ROBO1: variants seen among roughly 807,000 people sequenced by gnomAD.
ROBO1 encodes the protein roundabout guidance receptor 1.
ROBO1 carries 149 observed loss-of-function variants against 195.9 expected under a neutral mutation model. The observed-to-expected ratio is 0.76, with a 90% CI of 0.67 to 0.87. The LOEUF (loss-of-function observed/expected upper bound fraction) is 0.87, where lower values mean the gene tolerates loss of function less well. Ranked by LOEUF, ROBO1 falls within the 40% of genes least tolerant of loss-of-function variation. ROBO1 has a pLI of 0.00. For synonymous variants in ROBO1, 816 were observed against 733.2 expected (o/e 1.11, Z -1.82); for missense variants, 1,933 against 2,068.3 (o/e 0.93, Z 1.27).
chr3:79,039,801 CAA>C lies in ROBO1; in HGVS notation c.172+85653_172+85654del, dbSNP rs1214691931. ...TGGGCTACAAAGCAAGACTCCGTCT[CAA>C]AAAAAAAAAAAAAAAAAGTTATGTC... On this transcript the variant is annotated intron_variant, in intron 3 of 30. Transcript: ENST00000464233. Among the ~76,000 whole-genome samples the C allele has an allele frequency of 2.5e-4, 13 of 51,314 alleles. 2 individuals carry two copies. The highest frequency in any genetic ancestry group is 2.4e-3 in the South Asian group (2 of 818). The allele number at this position is 51,314 out of a possible 152,430, so 33.7% of individuals were successfully genotyped here.
At chr3:78,742,918 T>A (rs2082567718) in intron 5 of ROBO1, among the ~76,000 whole-genome samples, 1 of 152,170 alleles carries the variant, frequency 6.6e-6, no homozygotes, top group African/African-American at 2.4e-5. Flanking sequence ...AAATGAAGAT[T>A]CTATAATAAA....
intron 2 of ROBO1, among the ~76,000 whole-genome samples, chr3:79,267,236 A>G (rs2030048429): frequency 6.6e-6 from 1 of 151,582 alleles, no homozygotes; most frequent in South Asian, 2.1e-4. Flanking sequence ...AGAGGAATAT[A>G]TAATAAAAAT....
intron 8 of ROBO1, among the ~76,000 whole-genome samples, chr3:78,691,848 T>C (rs895519060): frequency 6.6e-5 from 10 of 152,210 alleles, no homozygotes; most frequent in Non-Finnish European, 1.2e-4. Context: ...TATCTTTTCA[T>C]TGAAATCTAA....
At chr3:79,538,453 A>T (rs571501736) in intron 2 of ROBO1, among the ~76,000 whole-genome samples, 2 of 152,290 alleles carry the variant, frequency 1.3e-5, no homozygotes, top group South Asian at 2.1e-4. Context: ...AATGTTGGGC[A>T]TATTATTATT....
At chr3:78,676,509 C>T (rs371919978) in intron 10 of ROBO1, among the ~76,000 whole-genome samples, 12 of 152,126 alleles carry the variant, frequency 7.9e-5, no homozygotes, top group Non-Finnish European at 1.0e-4. Flanking sequence ...AGCCAAAGCT[C>T]GAGAACTACG....
intron 1 of ROBO1, among the ~76,000 whole-genome samples, chr3:79,599,632 C>G (rs1044023305): frequency 6.6e-6 from 1 of 151,792 alleles, no homozygotes; most frequent in South Asian, 2.1e-4. Context: ...AAAAACACAG[C>G]AGTAAATGCA....
At chr3:79,075,106 C>G (rs1559640916) in intron 3 of ROBO1, among the ~76,000 whole-genome samples, 1 of 151,768 alleles carries the variant, frequency 6.6e-6, no homozygotes, top group African/African-American at 2.4e-5. Flanking sequence ...GATTCCTCAT[C>G]ATGGCTTTTT....
chr3:78,929,358 C>G (rs2039383619), intron 4 of ROBO1, among the ~76,000 whole-genome samples: 1 of 152,084 alleles, frequency 6.6e-6, no homozygotes, highest in Admixed American at 6.5e-5. Flanking sequence ...ATTTTATCCC[C>G]TACCAGACAG....
At chr3:79,370,439 C>T (rs553795029) in intron 2 of ROBO1, among the ~76,000 whole-genome samples, 1 of 152,070 alleles carries the variant, frequency 6.6e-6, no homozygotes, top group Admixed American at 6.5e-5. Context: ...ATTCACAAAA[C>T]CCTATGCATG....
intron 4 of ROBO1, among the ~76,000 whole-genome samples, chr3:78,934,647 T>G (rs2039702799): frequency 6.6e-6 from 1 of 152,012 alleles, no homozygotes; most frequent in South Asian, 2.1e-4. Flanking sequence ...TAAGCTACGG[T>G]GCTGATATCT....
intron 3 of ROBO1, among the ~76,000 whole-genome samples, chr3:79,072,017 A>G (rs974214646): frequency 6.6e-6 from 1 of 151,918 alleles, no homozygotes; most frequent in Non-Finnish European, 1.5e-5. Flanking sequence ...GGTTTACTCC[A>G]AAGAAAGACA....
At chr3:79,542,157 T>C (rs9857859) in intron 2 of ROBO1, among the ~76,000 whole-genome samples, 86,742 of 151,608 alleles carry the variant, frequency 0.57, 24,943 homozygotes, top group Non-Finnish European at 0.6. Context: ...TGATCTTTCA[T>C]CTCCAAAGGA....
chr3:78,909,110 CT>C (rs918710513), intron 4 of ROBO1, among the ~76,000 whole-genome samples: 4 of 151,742 alleles, frequency 2.6e-5, no homozygotes, highest in African/African-American at 9.7e-5. Flanking sequence ...ATAATGGTGA[CT>C]TATGGAGCTC....
At chr3:79,269,741 C>A (rs2030347476) in intron 2 of ROBO1, among the ~76,000 whole-genome samples, 1 of 151,634 alleles carries the variant, frequency 6.6e-6, no homozygotes, top group Admixed American at 6.6e-5. Flanking sequence ...GTTCTTCCCT[C>A]AAATACTGAG....
chr3:79,726,819 G>A (rs1359004292), intron 1 of ROBO1, among the ~76,000 whole-genome samples: 3 of 152,114 alleles, frequency 2.0e-5, no homozygotes, highest in Non-Finnish European at 2.9e-5. Flanking sequence ...AATCCAAACA[G>A]AGGATGTCTG....
chr3:78,741,774 C>G (rs1169598385), intron 5 of ROBO1, among the ~76,000 whole-genome samples: 2 of 152,088 alleles, frequency 1.3e-5, no homozygotes, highest in Admixed American at 1.3e-4. Flanking sequence ...TCAATTTAAT[C>G]TAGCCTACCA....
intron 3 of ROBO1, among the ~76,000 whole-genome samples, chr3:79,024,244 G>A (rs1176651589): frequency 6.6e-6 from 1 of 152,182 alleles, no homozygotes; most frequent in Admixed American, 6.5e-5. Context: ...CCTGCTAAGT[G>A]CTTTTGATAG....
chr3:78,849,495 C>T (rs553480963), intron 4 of ROBO1, among the ~76,000 whole-genome samples: 5 of 151,982 alleles, frequency 3.3e-5, no homozygotes, highest in South Asian at 4.1e-4. Context: ...CCTTTGGGAG[C>T]GCACAAAGCA....
At chr3:79,667,346 A>C (rs970361977) in intron 1 of ROBO1, among the ~76,000 whole-genome samples, 1 of 151,790 alleles carries the variant, frequency 6.6e-6, no homozygotes, top group African/African-American at 2.4e-5. Flanking sequence ...TCAAATGAGC[A>C]TTTTCTTCTA....
Sources: gnomAD v4.1 joint callset for allele counts (sites outside exome capture counted in the v4.1 genomes callset) on GRCh38, gnomAD v4.1.1 for gene constraint, MANE v1.5 for transcripts, NCBI Gene and HGNC (gene_info 2026-07-23, HGNC 2026-07-21) for gene names.